Variants in GNA14 observed in about 807,000 individuals in gnomAD.
GNA14 encodes G protein subunit alpha 14, also known as guanine nucleotide-binding protein subunit alpha-14.
Under a neutral mutation model 42.0 loss-of-function variants are expected in GNA14, and 50 were observed. That is an observed-to-expected ratio of 1.19 (90% CI 0.95 to 1.51). The LOEUF (loss-of-function observed/expected upper bound fraction) is 1.51. Ranked by LOEUF, GNA14 falls within the 40% of genes most tolerant of loss-of-function variation. The pLI is 0.00. For synonymous variants in GNA14, 173 were observed against 163.1 expected (o/e 1.06, Z -0.46); for missense variants, 473 against 446.2 (o/e 1.06, Z -0.54).
chr9:77,434,960 C>T (rs1035002995), intron 2 of GNA14, among the ~76,000 whole-genome samples: 4 of 151,806 alleles, frequency 2.6e-5, no homozygotes, highest in Admixed American at 2.6e-4. Context: ...AACTGGTCCA[C>T]CTGGTACAGG....
At chr9:77,634,232 C>A (rs1824142242) in intron 1 of GNA14, among the ~76,000 whole-genome samples, 1 of 151,764 alleles carries the variant, frequency 6.6e-6, no homozygotes, top group Non-Finnish European at 1.5e-5. Flanking sequence ...CCAGCCTGGG[C>A]AACACAGGGA....
chr9:77,477,694 C>T (rs1347724442), intron 2 of GNA14, among the ~76,000 whole-genome samples: 1 of 152,052 alleles, frequency 6.6e-6, no homozygotes. Context: ...GAAAATGAAG[C>T]TATTTGAGGG....
chr9:77,495,094 C>G (rs894286178), intron 2 of GNA14, among the ~76,000 whole-genome samples: 21 of 152,304 alleles, frequency 1.4e-4, no homozygotes, highest in African/African-American at 4.1e-4. Context: ...GCCACCATGC[C>G]TGGCCAAGAG....
chr9:77,628,356 T>C (rs983088719), intron 1 of GNA14, among the ~76,000 whole-genome samples: 3 of 152,126 alleles, frequency 2.0e-5, no homozygotes, highest in African/African-American at 7.2e-5. Flanking sequence ...CAAGCTACCA[T>C]TGACTTTCTT....
intron 1 of GNA14, among the ~76,000 whole-genome samples, chr9:77,613,480 A>G (rs1823763133): frequency 6.6e-6 from 1 of 152,254 alleles, no homozygotes; most frequent in South Asian, 2.1e-4. Context: ...CATGGTGCCT[A>G]TAACTAACAA....
intron 2 of GNA14, among the ~76,000 whole-genome samples, chr9:77,469,259 G>C (rs775667769): frequency 1.1e-4 from 16 of 151,736 alleles, no homozygotes; most frequent in Admixed American, 3.3e-4. Context: ...AGGAAAGCTG[G>C]GAGAGGAGGG....
chr9:77,576,453 T>G (rs1403854947), intron 1 of GNA14, among the ~76,000 whole-genome samples: 1 of 152,184 alleles, frequency 6.6e-6, no homozygotes, highest in East Asian at 1.9e-4. Context: ...ATAGAGTGAC[T>G]TTTTTGAGGA....
intron 1 of GNA14, among the ~76,000 whole-genome samples, chr9:77,638,908 T>G (rs1824218850): frequency 1.3e-5 from 2 of 152,202 alleles, no homozygotes; most frequent in South Asian, 4.1e-4. Context: ...AGGATACATG[T>G]GTGAAATTTT....
intron 2 of GNA14, among the ~76,000 whole-genome samples, chr9:77,490,229 AC>A (rs1322316609): frequency 6.6e-6 from 1 of 152,166 alleles, no homozygotes; most frequent in Non-Finnish European, 1.5e-5. Context: ...CTTGAGCTAA[AC>A]ACAGGGTGCT....
chr9:77,450,056 A>T (rs79332717), intron 2 of GNA14, among the ~76,000 whole-genome samples: 6,823 of 152,280 alleles, frequency 0.045, 179 homozygotes, highest in Middle Eastern at 0.061. Context: ...GAATTCTGGG[A>T]TTCCGTGGGC....
intron 2 of GNA14, among the ~76,000 whole-genome samples, chr9:77,487,740 A>C (rs1010124228): frequency 6.6e-5 from 10 of 152,234 alleles, no homozygotes; most frequent in Non-Finnish European, 2.9e-5. Context: ...AATAGCAGTA[A>C]GAATATTAAC....
At chr9:77,456,179 A>C (rs966137608) in intron 2 of GNA14, 1 of 89,162 alleles carries the variant, frequency 1.1e-5, no homozygotes, top group Admixed American at 1.1e-4. Flanking sequence ...GATGAGGCCT[A>C]GAGAAGATAA....
intron 1 of GNA14, chr9:77,580,662 C>T (rs1310772535): frequency 3.0e-6 from 1 of 331,158 alleles, no homozygotes. Flanking sequence ...ACTGTTTCCT[C>T]CTCACACCTC....
At chr9:77,606,887 G>T (rs1421605773) in intron 1 of GNA14, among the ~76,000 whole-genome samples, 1 of 152,144 alleles carries the variant, frequency 6.6e-6, no homozygotes, top group Non-Finnish European at 1.5e-5. Flanking sequence ...CAGACGCCAG[G>T]TTGGGATTTA....
chr9:77,551,622 G>C (rs73651537), intron 1 of GNA14, among the ~76,000 whole-genome samples: 2,170 of 151,724 alleles, frequency 0.014, 61 homozygotes, highest in African/African-American at 0.049. Flanking sequence ...CTAAAGTCTG[G>C]TCAATTCCAG....
chr9:77,639,994 C>A (rs1824233518), intron 1 of GNA14, among the ~76,000 whole-genome samples: 1 of 152,230 alleles, frequency 6.6e-6, no homozygotes, highest in Non-Finnish European at 1.5e-5. Context: ...ACCTGGCTCA[C>A]AGGGATCCCA....
At chr9:77,548,269 C>T (rs1038530190) in intron 1 of GNA14, among the ~76,000 whole-genome samples, 3 of 152,198 alleles carry the variant, frequency 2.0e-5, no homozygotes, top group Non-Finnish European at 4.4e-5. Flanking sequence ...TTTGCCTTCA[C>T]ATGGTCCTCT....
intron 1 of GNA14, among the ~76,000 whole-genome samples, chr9:77,559,784 A>G (rs1338382472): frequency 6.6e-6 from 1 of 152,234 alleles, no homozygotes; most frequent in East Asian, 1.9e-4. Context: ...ATAGTGCCAC[A>G]TAAACAAATG....
intron 1 of GNA14, among the ~76,000 whole-genome samples, chr9:77,541,894 T>C (rs1250788865): frequency 6.6e-6 from 1 of 152,182 alleles, no homozygotes; most frequent in Non-Finnish European, 1.5e-5. Context: ...TGTTTTATTC[T>C]TTTTAAAAGT....
Sources: gnomAD v4.1 joint callset for allele counts (sites outside exome capture counted in the v4.1 genomes callset) on GRCh38, gnomAD v4.1.1 for gene constraint, MANE v1.5 for transcripts, NCBI Gene and HGNC (gene_info 2026-07-23, HGNC 2026-07-21) for gene names.